The following EYS variants were observed in gnomAD, a reference collection of about 807,000 sequenced individuals.
The protein encoded by EYS is protein eyes shut homolog.
In EYS, 250 loss-of-function variants were observed where a neutral mutation model predicts 282.1. The observed-to-expected ratio is 0.89, with a 90% CI of 0.80 to 0.98. EYS has a LOEUF of 0.98. Among genes scored for constraint, EYS ranks in the 50% least tolerant of loss-of-function variants. The probability of loss-of-function intolerance (pLI) is 0.00; values close to 1 mark genes in which losing one functional copy is unlikely to be tolerated. For missense variants in EYS, 4,016 were observed against 3,709.0 expected, an observed-to-expected ratio of 1.08 and a Z score of -2.15; for synonymous variants, 1,355 against 1,282.9, an observed-to-expected ratio of 1.06 and a Z score of -1.20.
intron 12 of EYS, among the ~76,000 whole-genome samples, chr6:65,131,297 AC>A (rs1775868788): frequency 6.6e-6 from 1 of 151,954 alleles, no homozygotes; most frequent in Non-Finnish European, 1.5e-5. Flanking sequence ...GCCACATGGC[AC>A]ATACTCTAAA....
At chr6:65,385,714 C>T (rs76904480) in intron 7 of EYS, among the ~76,000 whole-genome samples, 8,301 of 151,982 alleles carry the variant, frequency 0.055, 320 homozygotes, top group African/African-American at 0.11. Context: ...ACTTTAAGTG[C>T]ATTATTTTAC....
At chr6:63,974,364 C>CA (rs1326529303) in intron 35 of EYS, among the ~76,000 whole-genome samples, 1 of 151,654 alleles carries the variant, frequency 6.6e-6, no homozygotes, top group Non-Finnish European at 1.5e-5. Context: ...GCAAAACAGT[C>CA]AAAAAAACAT....
intron 22 of EYS, among the ~76,000 whole-genome samples, chr6:64,789,431 C>T (rs1007685000): frequency 6.6e-6 from 1 of 152,082 alleles, no homozygotes; most frequent in African/African-American, 2.4e-5. Flanking sequence ...TGCTAACATG[C>T]TCCATCAATA....
At chr6:65,452,238 A>G (rs536817617) in intron 5 of EYS, among the ~76,000 whole-genome samples, 1 of 151,932 alleles carries the variant, frequency 6.6e-6, no homozygotes, top group East Asian at 1.9e-4. Flanking sequence ...AATTTAAGGG[A>G]TATTTTTATC....
chr6:65,509,063 T>C (rs146084472), intron 2 of EYS, among the ~76,000 whole-genome samples: 254 of 152,250 alleles, frequency 1.7e-3, no homozygotes, highest in African/African-American at 6.0e-3. Flanking sequence ...GACCCAGAGG[T>C]ACCCAATGAG....
intron 14 of EYS, among the ~76,000 whole-genome samples, chr6:64,966,630 T>A (rs972198769): frequency 6.6e-6 from 1 of 152,190 alleles, no homozygotes; most frequent in African/African-American, 2.4e-5. Context: ...TTATCATCCT[T>A]GGTTTATGCC....
rs148930743 is a variant in EYS, at chr6:64,239,153, T to C, written c.6192-8329A>G. 3.1e-3 allele frequency among the ~76,000 whole-genome samples: 469 copies of C among 152,348 alleles called. 4 individuals are homozygous for C. The highest frequency in any genetic ancestry group is 0.011 in the African/African-American group (440 of 41,580). On this transcript the variant is annotated intron_variant, in intron 30 of 42. Coordinates refer to ENST00000503581, the MANE Select transcript of EYS (RefSeq NM_001142800.2). The stretch of plus-strand genomic sequence containing the variant: ...CACATTTTCTTTATCCAGTCCATCA[T>C]TGATGGGCATTTGGGTTGGTTCCAA...
chr6:63,799,020 T>C (rs866980227), intron 37 of EYS, among the ~76,000 whole-genome samples: 1 of 132,252 alleles, frequency 7.6e-6, no homozygotes, highest in Non-Finnish European at 1.6e-5. Context: ...TATATATATA[T>C]AATTTTTTTT....
At chr6:64,365,939 G>A (rs1413243059) in intron 29 of EYS, among the ~76,000 whole-genome samples, 1 of 151,994 alleles carries the variant, frequency 6.6e-6, no homozygotes, top group African/African-American at 2.4e-5. Flanking sequence ...CTAGAACAGA[G>A]TTCAGAGAAT....
At chr6:65,353,659 A>G (rs1375352607) in intron 8 of EYS, 42 bp from the exon 9 acceptor site, 8 of 1,563,026 alleles carry the variant, frequency 5.1e-6, no homozygotes, top group Non-Finnish European at 7.0e-6. Flanking sequence ...TTCTTTTTTG[A>G]TATATTTTTC....
chr6:64,548,715 T>C (rs573246444), intron 26 of EYS, among the ~76,000 whole-genome samples: 2 of 152,176 alleles, frequency 1.3e-5, no homozygotes, highest in East Asian at 1.9e-4. Flanking sequence ...CATTAGGAGA[T>C]ATACCTAATG....
intron 26 of EYS, among the ~76,000 whole-genome samples, chr6:64,483,620 C>A (rs1289623104): frequency 6.6e-6 from 1 of 151,598 alleles, no homozygotes; most frequent in Admixed American, 6.6e-5. Context: ...TTTGAAGAGG[C>A]AGGCTCTGTT....
intron 12 of EYS, among the ~76,000 whole-genome samples, chr6:65,190,185 CTCTA>C (rs752450769): frequency 1.3e-5 from 2 of 150,390 alleles, no homozygotes; most frequent in Non-Finnish European, 3.0e-5. Flanking sequence ...TTTTCTTATG[CTCTA>C]TCTCTCTGTG....
chr6:65,295,217 GTAATGA>G (rs148582317), intron 12 of EYS, among the ~76,000 whole-genome samples: 7,700 of 151,810 alleles, frequency 0.051, 609 homozygotes, highest in African/African-American at 0.17. Context: ...ATTTTATAAG[GTAATGA>G]TAATAAGTTT....
At chr6:64,491,539 A>G (rs1376855530) in intron 26 of EYS, among the ~76,000 whole-genome samples, 1 of 151,030 alleles carries the variant, frequency 6.6e-6, no homozygotes. Context: ...AACAAAAAAT[A>G]TTTATTTACA....
intron 33 of EYS, among the ~76,000 whole-genome samples, chr6:64,027,102 C>T (rs111360531): frequency 0.027 from 4,076 of 152,118 alleles, 110 homozygotes; most frequent in East Asian, 0.07. Context: ...GAATGACAGC[C>T]GAAGAAAGGG....
chr6:64,399,284 A>C (rs1773474833), intron 28 of EYS, among the ~76,000 whole-genome samples: 1 of 151,714 alleles, frequency 6.6e-6, no homozygotes, highest in Non-Finnish European at 1.5e-5. Context: ...AATTTTATAA[A>C]AATAAACAAA....
chr6:65,083,426 T>A (rs2150172818), intron 12 of EYS, among the ~76,000 whole-genome samples: 1 of 152,146 alleles, frequency 6.6e-6, no homozygotes, highest in African/African-American at 2.4e-5. Flanking sequence ...TTATGACTCT[T>A]TACATGACTG....
intron 32 of EYS, among the ~76,000 whole-genome samples, chr6:64,079,785 A>G (rs1309830664): frequency 6.6e-6 from 1 of 151,942 alleles, no homozygotes; most frequent in Non-Finnish European, 1.5e-5. Context: ...AAGTGTTCTC[A>G]TTGTTCAATT....
Sources: allele counts gnomAD v4.1 joint callset (sites outside exome capture counted in the v4.1 genomes callset), GRCh38; gene constraint gnomAD v4.1.1; transcripts MANE v1.5; gene names NCBI Gene and HGNC (gene_info 2026-07-23, HGNC 2026-07-21).